The following SMAD9 variants were observed in gnomAD, a reference collection of about 807,000 sequenced individuals.
SMAD9 encodes SMAD family member 9.
SMAD9 carries 36 observed loss-of-function variants against 46.1 expected under a neutral mutation model. The observed-to-expected ratio is 0.78, with a 90% CI of 0.60 to 1.03. The LOEUF (loss-of-function observed/expected upper bound fraction) is 1.03. SMAD9 is among the 50% of genes least tolerant of loss of function. SMAD9 has a pLI of 0.00. For synonymous variants in SMAD9, 245 were observed against 237.1 expected, an observed-to-expected ratio of 1.03 and a Z score of -0.31; for missense variants, 572 against 599.8, an observed-to-expected ratio of 0.95 and a Z score of 0.48.
chr13:36,862,864 C>T (rs980797228), intron 5 of SMAD9, among the ~76,000 whole-genome samples: 3 of 152,150 alleles, frequency 2.0e-5, no homozygotes, highest in Non-Finnish European at 2.9e-5. Context: ...CCATTCTCTT[C>T]CCCTGCTTTG....
chr13:36,851,584 T>G, intron 6 of SMAD9: 1 of 197,692 alleles, frequency 5.1e-6, no homozygotes, highest in South Asian at 1.8e-4. Context: ...ATGTCCCACG[T>G]GCCTGGCCTG....
intron 1 of SMAD9, among the ~76,000 whole-genome samples, chr13:36,910,152 G>A (rs534919338): frequency 9.6e-4 from 145 of 151,684 alleles, no homozygotes; most frequent in Admixed American, 2.2e-3. Flanking sequence ...AGCCGAGATC[G>A]CGCCACTGTA....
chr13:36,855,251 CAAAAAAAAAAAAAA>C (rs1198605048), intron 5 of SMAD9, among the ~76,000 whole-genome samples: 3 of 45,974 alleles, frequency 6.5e-5, no homozygotes, highest in Admixed American at 4.4e-4. Context: ...GAGTCCATCT[CAAAAAAAAAAAAAA>C]AAAAAAAAAA....
At chr13:36,886,795 A>C (rs759059404) in intron 1 of SMAD9, among the ~76,000 whole-genome samples, 71 of 152,226 alleles carry the variant, frequency 4.7e-4, no homozygotes, top group Non-Finnish European at 1.6e-4. Context: ...AGGACGAGAA[A>C]GTGCGGCCAC....
chr13:36,918,502 C>T (rs1021737491), intron 1 of SMAD9, among the ~76,000 whole-genome samples: 2 of 152,230 alleles, frequency 1.3e-5, no homozygotes, highest in African/African-American at 4.8e-5. Context: ...GTGACTATTA[C>T]CACTAAAAGT....
Position 36,879,746 on chromosome 13 carries a change from G to A in SMAD9, c.-57C>T. On this transcript the variant is annotated 5_prime_UTR_variant, in exon 2 of 7. Coordinates refer to ENST00000379826, the MANE Select transcript of SMAD9 (RefSeq NM_001127217.3). ...GAACCGCACAGCCCTTCACGGCAAA[G>A]TGGGCGGCGAGTAGCTCTCCAGGGG... is the stretch of plus-strand genomic sequence containing the variant. 6.2e-7 allele frequency: 1 copy of A among 1,602,096 alleles called. No homozygotes were observed. The highest frequency in any genetic ancestry group is 8.5e-7 in the Non-Finnish European group (1 of 1,173,940).
In SMAD9 at chr13:36,879,465, C is replaced by G; in HGVS notation, c.225G>C (p.Leu75=). The change falls in exon 2 of 7, where the codon CTG becomes CTC. Residue 75 remains leucine (L), a synonymous_variant. Transcript: ENST00000379826. ...GGTGGGACACCTGCAGCCGCCCGTC[C>G]AGGGAGCGGGGAATCGTGACGCATT... ...PSKCVTIPRS[L]DGRLQVSHRK... is the part of the protein sequence containing the mutation. 10 of 1,613,892 alleles carry G rather than the reference C, an allele frequency of 6.2e-6. No individual in the cohort carries two copies. Among genetic ancestry groups the G allele is most frequent in the Non-Finnish European group, 8.5e-6 (10 of 1,180,030 alleles).
At chr13:36,865,878 A>C in intron 4 of SMAD9, 120 bp from the exon 5 acceptor site, 1 of 802,956 alleles carries the variant, frequency 1.2e-6, no homozygotes, top group Non-Finnish European at 2.1e-6. Context: ...AAGACCAAGC[A>C]TGCCGCTCTG....
At chr13:36,875,352 A>G (rs1217557474) in intron 2 of SMAD9, among the ~76,000 whole-genome samples, 1 of 152,244 alleles carries the variant, frequency 6.6e-6, no homozygotes, top group Admixed American at 6.5e-5. Context: ...ATATGGACAG[A>G]AAATAAACTA....
In SMAD9 at chr13:36,865,694, G is replaced by A; in HGVS notation, c.846C>T (p.Asn282=). Reference sequence around the variant, plus strand: ...CCTGGAATGTCTCCCCAACTCGGTTGTTCAGTTCATAGTAGGCGACCGAGC... The same window carrying A: ...CCTGGAATGTCTCCCCAACTCGGTTATTCAGTTCATAGTAGGCGACCGAGC... ...HWCSVAYYEL[N]NRVGETFQAS... The change falls in exon 5 of 7, where the codon AAC becomes AAT. Residue 282 remains asparagine, a synonymous_variant. Coordinates refer to ENST00000379826, the MANE Select transcript of SMAD9 (RefSeq NM_001127217.3). 2 of 1,614,144 alleles carry A rather than the reference G, an allele frequency of 1.2e-6. No homozygotes were observed. Among genetic ancestry groups the A allele is most frequent in the South Asian group, 2.2e-5 (2 of 91,076 alleles).
intron 1 of SMAD9, among the ~76,000 whole-genome samples, chr13:36,902,882 T>C (rs186723229): frequency 1.6e-4 from 24 of 152,332 alleles, no homozygotes; most frequent in African/African-American, 5.8e-4. Flanking sequence ...CACTGTACCC[T>C]AGCACCTAGA....
At position 36,888,135 on chromosome 13, in the gene SMAD9, T is replaced by C. The variant is rs145272224; in HGVS notation, c.-186-8260A>G. ...AGGGTGTTCACCCTGCAACCAGAGTTGGTTACGGTTATGGTTTGGCTCTGT... is the reference window on the plus strand; with the variant it reads ...AGGGTGTTCACCCTGCAACCAGAGTCGGTTACGGTTATGGTTTGGCTCTGT... On this transcript the variant is annotated intron_variant, in intron 1 of 6. Coordinates refer to ENST00000379826, the MANE Select transcript of SMAD9 (RefSeq NM_001127217.3). Among the ~76,000 whole-genome samples the C allele has an allele frequency of 2.5e-3, 384 of 152,292 alleles. 1 individual carries two copies. The highest frequency in any genetic ancestry group is 8.7e-3 in the African/African-American group (363 of 41,566).
Position 36,890,375 on chromosome 13 carries a change from C to A in SMAD9, c.-186-10500G>T, listed in dbSNP as rs564877675. ...TTAGTTTTGAGGACGCTTTATAACT[C>A]TTTGCCCATCAAAACACCAAGCATC... On this transcript the variant is annotated intron_variant, in intron 1 of 6. Transcript: ENST00000379826. 2.2e-3 allele frequency among the ~76,000 whole-genome samples: 332 copies of A among 152,316 alleles called. 2 individuals carry two copies. The highest frequency in any genetic ancestry group is 7.7e-3 in the African/African-American group (320 of 41,576).
chr13:36,844,962 A>T lies in SMAD9; in HGVS notation c.*3714T>A, dbSNP rs1249344089. On this transcript the variant is annotated 3_prime_UTR_variant, in exon 7 of 7. Transcript: ENST00000379826. The stretch of plus-strand genomic sequence containing the variant: ...AATAGACAGTTTCTTTGTTGTTGTT[A>T]ATCTGTTTTACATTAATTTGAATTT... The T allele has an allele frequency of 6.6e-6, 1 of 152,214 alleles. No homozygotes were observed. Among genetic ancestry groups the T allele is most frequent in the Admixed American group, 6.5e-5 (1 of 15,280 alleles). The allele number at this position is 152,214 out of a possible 1,614,324, so 9.4% of individuals were successfully genotyped here. A position where few individuals can be genotyped will look rare whatever the true frequency, so the allele number is the denominator to read the frequency against.
chr13:36,852,557 T>A (rs975460183), intron 6 of SMAD9: 3 of 984,766 alleles, frequency 3.0e-6, no homozygotes, highest in Admixed American at 1.2e-4. Flanking sequence ...CAAATATTCA[T>A]CAACAGAACA....
intron 1 of SMAD9, among the ~76,000 whole-genome samples, chr13:36,880,880 AT>A (rs1362292719): frequency 2.0e-5 from 3 of 152,160 alleles, no homozygotes; most frequent in African/African-American, 2.4e-5. Flanking sequence ...TTCAATCAAT[AT>A]TTTTTTAATT....
intron 1 of SMAD9, among the ~76,000 whole-genome samples, chr13:36,900,609 C>T (rs1412949518): frequency 1.3e-5 from 2 of 151,728 alleles, no homozygotes; most frequent in East Asian, 3.9e-4. Context: ...AAACCCCCAC[C>T]ACCCCTACCT....
intron 1 of SMAD9, among the ~76,000 whole-genome samples, chr13:36,912,810 C>T (rs996608263): frequency 3.9e-5 from 6 of 152,170 alleles, no homozygotes; most frequent in Admixed American, 3.9e-4. Flanking sequence ...CAAATGAGAT[C>T]ATTCTCATTA....
At chr13:36,878,377 T>G (rs1402784791) in intron 2 of SMAD9, among the ~76,000 whole-genome samples, 1 of 152,152 alleles carries the variant, frequency 6.6e-6, no homozygotes, top group Non-Finnish European at 1.5e-5. Context: ...TAGGATTGCC[T>G]ACAGTATTTA....
Sources: gnomAD v4.1 joint callset for allele counts (sites outside exome capture counted in the v4.1 genomes callset) on GRCh38, gnomAD v4.1.1 for gene constraint, MANE v1.5 for transcripts, NCBI Gene and HGNC (gene_info 2026-07-23, HGNC 2026-07-21) for gene names.